Variants in UBFD1 observed in about 807,000 individuals in gnomAD.
UBFD1 encodes ubiquitin family domain containing 1.
In UBFD1, 12 loss-of-function variants were observed where a neutral mutation model predicts 35.1. The observed-to-expected ratio is 0.34, with a 90% CI of 0.22 to 0.55. The LOEUF (loss-of-function observed/expected upper bound fraction) is 0.55. Among genes scored for constraint, UBFD1 ranks in the 20% least tolerant of loss-of-function variants. UBFD1 has a pLI of 0.89. For missense variants in UBFD1, 337 were observed against 410.8 expected (o/e 0.82, Z 1.55); for synonymous variants, 178 against 167.6 (o/e 1.06, Z -0.48).
chr16:23,562,597 A>G (rs185212498), intron 4 of UBFD1, 28 bp from the exon 5 acceptor site: 1 of 1,606,092 alleles, frequency 6.2e-7, no homozygotes, highest in South Asian at 1.1e-5. Flanking sequence ...CTGTCCCTCC[A>G]TCTCTTACCA....
chr16:23,561,503 G>T (rs2142212999), intron 3 of UBFD1, among the ~76,000 whole-genome samples: 1 of 152,304 alleles, frequency 6.6e-6, no homozygotes, highest in South Asian at 2.1e-4. Flanking sequence ...CAGAGTTCTT[G>T]GGGCAGGTGG....
chr16:23,559,706 A>G, intron 3 of UBFD1, 30 bp downstream of exon 3: 1 of 1,613,612 alleles, frequency 6.2e-7, no homozygotes, highest in Non-Finnish European at 8.5e-7. Flanking sequence ...CTTGGTCTTG[A>G]GAAATTTGAG....
intron 6 of UBFD1, 126 bp from the exon 7 acceptor site, chr16:23,570,354 C>T: frequency 4.1e-6 from 3 of 733,346 alleles, no homozygotes; most frequent in South Asian, 3.5e-5. Context: ...TCCCCACGTG[C>T]AAAGTTTTGT....
chr16:23,565,426 A>G (rs1965996427), intron 5 of UBFD1: 1 of 152,240 alleles, frequency 6.6e-6, no homozygotes, highest in Non-Finnish European at 1.5e-5. Context: ...TGATGTAGTG[A>G]TCAGGAGTGT....
rs1966079946 is a variant in UBFD1, at chr16:23,571,227, G to A, written c.*637G>A. The A allele has an allele frequency of 6.6e-6, 1 of 152,600 alleles. No individual in the cohort carries two copies. Among genetic ancestry groups the A allele is most frequent in the South Asian group, 2.1e-4 (1 of 4,828 alleles). 9.5% of individuals were successfully genotyped at this position (152,600 alleles called of 1,614,324 possible). A position where few individuals can be genotyped will look rare whatever the true frequency, so the allele number is the denominator to read the frequency against. ...GTACCTCATCAACGCTTCCTTTCCT[G>A]GGCTCCCTCCCGCCGTGCTGCTGCT... is the stretch of plus-strand genomic sequence containing the variant. On this transcript the variant is annotated 3_prime_UTR_variant, in exon 7 of 7. Coordinates refer to ENST00000395878, the MANE Select transcript of UBFD1 (RefSeq NM_019116.3).
At chr16:23,557,886 C>G in intron 1 of UBFD1, 64 bp from the exon 2 acceptor site, 1 of 1,270,130 alleles carries the variant, frequency 7.9e-7, no homozygotes, top group Non-Finnish European at 9.9e-7. Flanking sequence ...TCCGGCGGCG[C>G]CCGGACAGCG....
At chr16:23,562,114 A>G (rs1318288917) in intron 3 of UBFD1, 92 bp from the exon 4 acceptor site, 2 of 1,231,290 alleles carry the variant, frequency 1.6e-6, no homozygotes, top group East Asian at 2.4e-5. Context: ...GAGCCAAAAC[A>G]CTAAGGCTTT....
At chr16:23,559,884 G>C in intron 3 of UBFD1, 1 of 1,530,650 alleles carries the variant, frequency 6.5e-7, no homozygotes, top group Non-Finnish European at 8.7e-7. Flanking sequence ...TGTGTCTCAA[G>C]TCTACCTACT....
Position 23,573,080 on chromosome 16 carries a change from T to C in UBFD1, c.*2490T>C, listed in dbSNP as rs934956498. Reference sequence around the variant, plus strand: ...CTGGAGTGTACTGACTAAATCTGTGTAAGCAAATTGAAATACTCTTTCTTT... The same window carrying C: ...CTGGAGTGTACTGACTAAATCTGTGCAAGCAAATTGAAATACTCTTTCTTT... On this transcript the variant is annotated 3_prime_UTR_variant, in exon 7 of 7. Transcript: ENST00000395878. 4 of 152,238 alleles carry C rather than the reference T, an allele frequency of 2.6e-5. No homozygotes were observed. The highest frequency in any genetic ancestry group is 9.6e-5 in the African/African-American group (4 of 41,468). The allele number at this position is 152,238 out of a possible 1,614,324, so 9.4% of individuals were successfully genotyped here.
chr16:23,567,263 A>AC (rs546686003), intron 6 of UBFD1, among the ~76,000 whole-genome samples, 194 bp downstream of exon 6: 13 of 150,722 alleles, frequency 8.6e-5, no homozygotes, highest in South Asian at 4.2e-4. Context: ...TTTATTTTAC[A>AC]CCCCCCCACA....
intron 1 of UBFD1, 35 bp downstream of exon 1, chr16:23,557,802 G>T (rs953524817): frequency 2.6e-5 from 33 of 1,279,194 alleles, no homozygotes; most frequent in Non-Finnish European, 3.3e-5. Flanking sequence ...GCCGGGCCGG[G>T]GCTGAGGTTG....
In UBFD1 at chr16:23,562,199, C is replaced by CT. The variant is rs1323752015; in HGVS notation, c.565-5dup. On this transcript the variant is annotated splice_polypyrimidine_tract_variant and splice_region_variant and intron_variant, in intron 3 of 6. Transcript: ENST00000395878. ...TGTTTCATTTCATTCTCTCTTCTGA[C>CT]TTATAGCAACACAGGAAAGTGTTGG... The CT allele has an allele frequency of 6.2e-7, 1 of 1,613,354 alleles. No homozygotes were observed. Among genetic ancestry groups the CT allele is most frequent in the South Asian group, 1.1e-5 (1 of 90,978 alleles).
rs1050030110 is a variant in UBFD1 at position 23,573,604 on chromosome 16, G to A, written c.*3014G>A. 4.6e-5 allele frequency: 7 copies of A among 152,640 alleles called. No homozygotes were observed. Among genetic ancestry groups the A allele is most frequent in the Non-Finnish European group, 7.3e-5 (5 of 68,050 alleles). 9.5% of individuals were successfully genotyped at this position (152,640 alleles called of 1,614,324 possible). A position where few individuals can be genotyped will look rare whatever the true frequency, so the allele number is the denominator to read the frequency against. ...AACTGAGCTAAGGATGCACTTTCTT[G>A]TGGACATAGAAGGGGCCCACGTAAG... On this transcript the variant is annotated 3_prime_UTR_variant, in exon 7 of 7. Transcript: ENST00000395878.
chr16:23,558,074 A>G lies in UBFD1; in HGVS notation c.150A>G (p.Ala50=), dbSNP rs1965848798. 1.4e-6 allele frequency: 2 copies of G among 1,433,216 alleles called. No homozygotes were observed. Among genetic ancestry groups the G allele is most frequent in the Non-Finnish European group, 1.8e-6 (2 of 1,098,304 alleles). 88.8% of individuals were successfully genotyped at this position (1,433,216 alleles called of 1,614,324 possible). ...AGAAAEDSGA[A]RGSLQPAPAQ... is the part of the protein sequence containing the mutation. ...CGGCGGCCGAGGACTCCGGCGCCGC[A>G]CGAGGCAGCCTGCAGCCGGCCCCGG... Residue 50 remains alanine (A), a synonymous_variant, in exon 2 of 7, where the codon GCA becomes GCG. Transcript: ENST00000395878.
At chr16:23,565,608 A>G (rs1965998742) in intron 5 of UBFD1, 1 of 152,174 alleles carries the variant, frequency 6.6e-6, no homozygotes, top group East Asian at 1.9e-4. Flanking sequence ...AGCCACTAGA[A>G]GTCCAAACCT....
intron 5 of UBFD1, 138 bp from the exon 6 acceptor site, chr16:23,566,848 TG>T: frequency 1.3e-6 from 1 of 746,840 alleles, no homozygotes; most frequent in East Asian, 2.5e-5. Flanking sequence ...CCTGTCGTGT[TG>T]TCCCCAGAGG....
intron 5 of UBFD1, chr16:23,565,163 C>G (rs967362726): frequency 3.9e-5 from 6 of 152,244 alleles, no homozygotes; most frequent in Non-Finnish European, 2.9e-5. Context: ...CCACTGGCTT[C>G]GTCTTTCTGC....
In UBFD1 at chr16:23,570,745, T is replaced by G. The variant is rs1966072147; in HGVS notation, c.*155T>G. Reference sequence around the variant, plus strand: ...ATGTGGTGACTGAAGCCAGAGGTGATGTACTTTCACCATTAGCTTAATTTT... The same window carrying G: ...ATGTGGTGACTGAAGCCAGAGGTGAGGTACTTTCACCATTAGCTTAATTTT... On this transcript the variant is annotated 3_prime_UTR_variant, in exon 7 of 7. Coordinates refer to ENST00000395878, the MANE Select transcript of UBFD1 (RefSeq NM_019116.3). The G allele has an allele frequency of 2.8e-5, 16 of 568,560 alleles. No individual in the cohort carries two copies. In the South Asian group the frequency reaches 4.0e-4, roughly 14 times the overall value. 35.2% of individuals were successfully genotyped at this position (568,560 alleles called of 1,614,324 possible). A position where few individuals can be genotyped will look rare whatever the true frequency, so the allele number is the denominator to read the frequency against.
intron 3 of UBFD1, among the ~76,000 whole-genome samples, chr16:23,560,448 A>G (rs1375122166): frequency 1.3e-5 from 2 of 152,166 alleles, no homozygotes; most frequent in Non-Finnish European, 1.5e-5. Flanking sequence ...GGTATTCTCA[A>G]CTGTGTCTGA....
Sources: gnomAD v4.1 joint callset for allele counts (sites outside exome capture counted in the v4.1 genomes callset) on GRCh38, gnomAD v4.1.1 for gene constraint, MANE v1.5 for transcripts, NCBI Gene and HGNC (gene_info 2026-07-23, HGNC 2026-07-21) for gene names.